TGFBR3: variants seen among roughly 807,000 people sequenced by gnomAD.
TGFBR3 encodes transforming growth factor beta receptor type 3.
TGFBR3 carries 46 observed loss-of-function variants against 87.9 expected under a neutral mutation model. The observed-to-expected ratio is 0.52, with a 90% CI of 0.41 to 0.67. TGFBR3 has a LOEUF of 0.67. Among genes scored for constraint, TGFBR3 ranks in the 30% least tolerant of loss-of-function variants. TGFBR3 has a pLI of 0.00. For synonymous variants in TGFBR3, 381 were observed against 391.6 expected, an observed-to-expected ratio of 0.97 and a Z score of 0.32; for missense variants, 866 against 1,041.9, an observed-to-expected ratio of 0.83 and a Z score of 2.32.
At chr1:91,745,848 T>C (rs1673326718) in intron 4 of TGFBR3, among the ~76,000 whole-genome samples, 1 of 152,252 alleles carries the variant, frequency 6.6e-6, no homozygotes, top group African/African-American at 2.4e-5. Context: ...CAAAGCTACA[T>C]ATTCATGAGC....
At chr1:91,800,856 G>A (rs284166) in intron 2 of TGFBR3, 1,794 of 164,458 alleles carry the variant, frequency 0.011, 34 homozygotes, top group African/African-American at 0.041. Context: ...AGGCCGAAGC[G>A]GGTGGATCAC....
intron 4 of TGFBR3, among the ~76,000 whole-genome samples, chr1:91,744,252 T>C (rs918150288): frequency 6.6e-6 from 1 of 151,804 alleles, no homozygotes; most frequent in Non-Finnish European, 1.5e-5. Flanking sequence ...GCCCGGTTAA[T>C]TTTTTGTATT....
At chr1:91,846,893 T>C (rs895340570) in intron 2 of TGFBR3, among the ~76,000 whole-genome samples, 1 of 152,044 alleles carries the variant, frequency 6.6e-6, no homozygotes, top group Non-Finnish European at 1.5e-5. Flanking sequence ...GACAGCAACA[T>C]AAACACATTT....
chr1:91,857,312 C>A (rs1392751956), intron 2 of TGFBR3, among the ~76,000 whole-genome samples: 1 of 151,976 alleles, frequency 6.6e-6, no homozygotes, highest in African/African-American at 2.4e-5. Context: ...CCAAATAGAC[C>A]TCCTGCTACA....
intron 7 of TGFBR3, 106 bp downstream of exon 7, chr1:91,727,548 GAGCTT>G (rs762868222): frequency 3.6e-5 from 50 of 1,374,766 alleles, no homozygotes; most frequent in Non-Finnish European, 5.0e-5. Flanking sequence ...ATAATTGACA[GAGCTT>G]AGAGAGTCCA....
chr1:91,840,433 G>A (rs1677226955), intron 2 of TGFBR3, among the ~76,000 whole-genome samples: 1 of 144,050 alleles, frequency 6.9e-6, no homozygotes, highest in African/African-American at 2.6e-5. Flanking sequence ...GCATGATTTT[G>A]TAATATCATG....
At chr1:91,816,219 A>G (rs1459256179) in intron 2 of TGFBR3, among the ~76,000 whole-genome samples, 2 of 152,248 alleles carry the variant, frequency 1.3e-5, no homozygotes, top group African/African-American at 4.8e-5. Flanking sequence ...TAGTAATTAA[A>G]AAAGAAAAAA....
intron 1 of TGFBR3, among the ~76,000 whole-genome samples, chr1:91,884,956 C>T (rs1021200346): frequency 2.0e-5 from 3 of 152,258 alleles, no homozygotes; most frequent in African/African-American, 7.2e-5. Context: ...CCTCTGCCCT[C>T]GCCGCTCCTA....
At chr1:91,708,367 T>A (rs1267272187) in intron 14 of TGFBR3, among the ~76,000 whole-genome samples, 1 of 152,152 alleles carries the variant, frequency 6.6e-6, no homozygotes, top group Admixed American at 6.5e-5. Flanking sequence ...CTTTTTTGCA[T>A]ACTCAAGGAA....
intron 3 of TGFBR3, chr1:91,786,228 C>T (rs1299505657): frequency 4.4e-6 from 2 of 456,144 alleles, no homozygotes; most frequent in Admixed American, 4.7e-5. Context: ...TTGAACAGGC[C>T]TGTGAATGAA....
At chr1:91,797,978 C>T (rs924647517) in intron 2 of TGFBR3, among the ~76,000 whole-genome samples, 1 of 152,122 alleles carries the variant, frequency 6.6e-6, no homozygotes, top group Non-Finnish European at 1.5e-5. Context: ...AGGGCCAGAG[C>T]TGTACAGCAA....
At chr1:91,759,431 A>G (rs1325333657) in intron 3 of TGFBR3, among the ~76,000 whole-genome samples, 1 of 151,700 alleles carries the variant, frequency 6.6e-6, no homozygotes, top group Non-Finnish European at 1.5e-5. Flanking sequence ...TGGGATGGAT[A>G]CAAAAACTGT....
At chr1:91,692,103 T>C (rs1671287695) in intron 16 of TGFBR3, among the ~76,000 whole-genome samples, 1 of 152,184 alleles carries the variant, frequency 6.6e-6, no homozygotes, top group African/African-American at 2.4e-5. Context: ...CAGGATATTA[T>C]ACTACATGAG....
chr1:91,711,035 C>CT (rs934855400), intron 13 of TGFBR3, among the ~76,000 whole-genome samples: 4 of 152,182 alleles, frequency 2.6e-5, no homozygotes, highest in African/African-American at 9.7e-5. Context: ...ACTGCTAGGT[C>CT]TCCCCTCCAA....
At chr1:91,782,679 T>G (rs924921315) in intron 3 of TGFBR3, among the ~76,000 whole-genome samples, 1 of 121,320 alleles carries the variant, frequency 8.2e-6, no homozygotes, top group Non-Finnish European at 1.8e-5. Context: ...CATGAAAAAA[T>G]CCAACTGTAG....
chr1:91,690,582 C>T (rs559924428), intron 16 of TGFBR3, among the ~76,000 whole-genome samples: 54 of 152,120 alleles, frequency 3.5e-4, no homozygotes, highest in Non-Finnish European at 7.4e-4. Context: ...TTGCCATGCG[C>T]TTCACTATTT....
chr1:91,734,115 A>G (rs1425463037), intron 5 of TGFBR3, among the ~76,000 whole-genome samples: 1 of 151,256 alleles, frequency 6.6e-6, no homozygotes, highest in Non-Finnish European at 1.5e-5. Flanking sequence ...AAAGAAAGAG[A>G]AGGTTTTTTG....
At chr1:91,775,887 T>C (rs966864703) in intron 3 of TGFBR3, among the ~76,000 whole-genome samples, 4 of 152,224 alleles carry the variant, frequency 2.6e-5, no homozygotes, top group African/African-American at 7.2e-5. Context: ...TTCAACTCCA[T>C]GGTCTTTCTT....
At position 91,680,413 on chromosome 1, in the gene TGFBR3, C is replaced by T; in HGVS notation, c.*3326G>A. On this transcript the variant is annotated 3_prime_UTR_variant, in exon 17 of 17. Coordinates refer to ENST00000212355, the MANE Select transcript of TGFBR3 (RefSeq NM_003243.5). ...TAAAACTGTGGTTATCAAAACTATA[C>T]ATCTAAGCATCTTCACAAAATAGCT... 2 of 453,898 alleles carry T rather than the reference C, an allele frequency of 4.4e-6. No homozygotes were observed. Among genetic ancestry groups the T allele is most frequent in the South Asian group, 3.1e-5 (2 of 64,396 alleles). 28.1% of individuals were successfully genotyped at this position (453,898 alleles called of 1,614,324 possible). A position where few individuals can be genotyped will look rare whatever the true frequency, so the allele number is the denominator to read the frequency against.
Sources: gnomAD v4.1 joint callset for allele counts (sites outside exome capture counted in the v4.1 genomes callset) on GRCh38, gnomAD v4.1.1 for gene constraint, MANE v1.5 for transcripts, NCBI Gene and HGNC (gene_info 2026-07-23, HGNC 2026-07-21) for gene names.